The following CELF2 variants were observed in gnomAD, a reference collection of about 807,000 sequenced individuals.
The protein encoded by CELF2 is CUG triplet repeat RNA-binding protein 2.
Under a neutral mutation model 62.6 loss-of-function variants are expected in CELF2, and 8 were observed. The observed-to-expected ratio is 0.13, with a 90% CI of 0.07 to 0.23. The LOEUF (loss-of-function observed/expected upper bound fraction) is 0.23, where lower values mean the gene tolerates loss of function less well. CELF2 is among the 10% of genes least tolerant of loss of function. The pLI, the probability that CELF2 is intolerant of heterozygous loss-of-function variation, is 1.00. For synonymous variants in CELF2, 258 were observed against 250.0 expected, an observed-to-expected ratio of 1.03 and a Z score of -0.30; for missense variants, 333 against 671.0, an observed-to-expected ratio of 0.50 and a Z score of 5.56.
At chr10:10,912,529 C>G (rs945043095) in intron 1 of CELF2, among the ~76,000 whole-genome samples, 2 of 152,080 alleles carry the variant, frequency 1.3e-5, no homozygotes, top group South Asian at 4.2e-4. Context: ...ACCACCATGT[C>G]CAGCTAATTT....
the CELF2 span, among the ~76,000 whole-genome samples, chr10:10,651,309 T>A: frequency 6.8e-6 from 1 of 147,848 alleles, no homozygotes; most frequent in Non-Finnish European, 1.5e-5. Context: ...TGCCCGCCAT[T>A]GCCCAGGCTT....
At chr10:10,616,719 TGA>T in the CELF2 span, among the ~76,000 whole-genome samples, 3,685 of 54,988 alleles carry the variant, frequency 0.067, 86 homozygotes, top group South Asian at 0.13. Flanking sequence ...TGTGTGTGTG[TGA>T]GAGAGAGAGA....
chr10:10,986,722 C>A (rs1592750816), intron 2 of CELF2, among the ~76,000 whole-genome samples: 1 of 152,154 alleles, frequency 6.6e-6, no homozygotes, highest in Non-Finnish European at 1.5e-5. Flanking sequence ...ACAACTGTAA[C>A]GGGCATTTCC....
intron 2 of CELF2, among the ~76,000 whole-genome samples, chr10:11,186,748 A>G (rs1234985889): frequency 6.6e-6 from 1 of 152,216 alleles, no homozygotes; most frequent in Non-Finnish European, 1.5e-5. Flanking sequence ...GGGATGCTCA[A>G]CCAGTAAGTA....
intron 1 of CELF2, among the ~76,000 whole-genome samples, chr10:10,866,920 C>CA (rs56098222): frequency 0.22 from 21,034 of 97,530 alleles, 2,025 homozygotes; most frequent in Non-Finnish European, 0.27. Context: ...AACTCCTTCT[C>CA]AAAAAAAAAA....
At chr10:11,202,833 G>A (rs1288301986) in intron 2 of CELF2, among the ~76,000 whole-genome samples, 2 of 149,880 alleles carry the variant, frequency 1.3e-5, no homozygotes, top group South Asian at 2.1e-4. Context: ...AAACCATCTC[G>A]TTGCCTAGAG....
At chr10:11,128,499 C>T (rs2059095256) in intron 1 of CELF2, among the ~76,000 whole-genome samples, 1 of 152,172 alleles carries the variant, frequency 6.6e-6, no homozygotes, top group South Asian at 2.1e-4. Flanking sequence ...TTGATTCTTC[C>T]TATCCATGAG....
chr10:11,255,701 T>C lies in CELF2; in HGVS notation c.404-2037T>C, dbSNP rs112554161. Among the ~76,000 whole-genome samples the C allele has an allele frequency of 5.8e-3, 887 of 152,188 alleles. 21 individuals carry two copies. The East Asian group carries it at 0.07, about 12-fold the overall frequency. On this transcript the variant is annotated intron_variant, in intron 4 of 12. Transcript: ENST00000633077. The surrounding 1 kb of genome is among the most constrained non-coding windows in gnomAD (Gnocchi z 5.5). ...TGACCCCCCACTCACCGTCCCTGCC[T>C]CAAGAGCCCCAGTCACCCCGAGTAT... is the stretch of plus-strand genomic sequence containing the variant.
chr10:11,330,603 CT>C lies in CELF2; in HGVS notation c.*1553del, dbSNP rs1200789487. On this transcript the variant is annotated 3_prime_UTR_variant, in exon 13 of 13. Coordinates refer to ENST00000633077, the MANE Select transcript of CELF2 (RefSeq NM_001326342.2). The surrounding 1 kb of genome is among the most constrained non-coding windows in gnomAD (Gnocchi z 4.5). ...CTACTGACCTTTGATCTAGTTTGACCTTTGAAATTTGCATGTGACCTCATCT... is the reference window on the plus strand; with the variant it reads ...CTACTGACCTTTGATCTAGTTTGACCTTGAAATTTGCATGTGACCTCATCT... The C allele has an allele frequency of 2.0e-5, 3 of 152,518 alleles. No individual in the cohort carries two copies. Among genetic ancestry groups the C allele is most frequent in the Non-Finnish European group, 2.9e-5 (2 of 68,032 alleles). The allele number at this position is 152,518 out of a possible 1,614,324, so 9.4% of individuals were successfully genotyped here. A position where few individuals can be genotyped will look rare whatever the true frequency, so the allele number is the denominator to read the frequency against.
Position 11,269,648 on chromosome 10 carries a change from A to G in CELF2, c.619-1018A>G, listed in dbSNP as rs7911526. 0.35 allele frequency among the ~76,000 whole-genome samples: 52,790 copies of G among 151,764 alleles called. 10,641 individuals carry two copies. Among genetic ancestry groups the G allele is most frequent in the Admixed American group, 0.47 (7,097 of 15,210 alleles). On this transcript the variant is annotated intron_variant, in intron 6 of 12. Coordinates refer to ENST00000633077, the MANE Select transcript of CELF2 (RefSeq NM_001326342.2). The surrounding 1 kb of genome is among the most constrained non-coding windows in gnomAD (Gnocchi z 4.4). ...GATGAAACGTGTAGGCAAGCCACACAAAGGAGGAGAAGAGGCTGGGGAAGG... is the reference window on the plus strand; with the variant it reads ...GATGAAACGTGTAGGCAAGCCACACGAAGGAGGAGAAGAGGCTGGGGAAGG...
chr10:11,291,162 A>G (rs992748012), intron 9 of CELF2, among the ~76,000 whole-genome samples: 2 of 152,216 alleles, frequency 1.3e-5, no homozygotes, highest in African/African-American at 4.8e-5. Flanking sequence ...GCCTCATCCC[A>G]TCTCTCCTCC....
intron 1 of CELF2, among the ~76,000 whole-genome samples, chr10:11,128,613 T>C (rs1054497474): frequency 1.3e-5 from 2 of 152,164 alleles, no homozygotes; most frequent in Non-Finnish European, 2.9e-5. Context: ...ATTTGGATTC[T>C]TAGGTATTTT....
chr10:10,499,439 C>T, the CELF2 span, among the ~76,000 whole-genome samples: 16 of 152,222 alleles, frequency 1.1e-4, no homozygotes, highest in African/African-American at 3.4e-4. Context: ...GCTAAACTTA[C>T]TAGTAATTCA....
intron 8 of CELF2, among the ~76,000 whole-genome samples, chr10:11,277,380 C>A (rs982723077): frequency 1.3e-5 from 2 of 152,194 alleles, no homozygotes; most frequent in African/African-American, 4.8e-5. Context: ...AGGGGCGCCT[C>A]TCTCCCGAAT....
chr10:10,801,798 G>A (rs1345543715), intron 1 of CELF2, among the ~76,000 whole-genome samples: 1 of 152,168 alleles, frequency 6.6e-6, no homozygotes, highest in Non-Finnish European at 1.5e-5. Context: ...TCATCAAAAG[G>A]CACAATTTTA....
intron 2 of CELF2, among the ~76,000 whole-genome samples, chr10:11,173,285 G>C (rs932943404): frequency 1.3e-5 from 2 of 152,190 alleles, no homozygotes; most frequent in African/African-American, 4.8e-5. Context: ...GACGCTGTTA[G>C]TTACTCTGAA....
the CELF2 span, among the ~76,000 whole-genome samples, chr10:10,709,424 T>C: frequency 7.4e-3 from 1,124 of 152,290 alleles, 18 homozygotes; most frequent in African/African-American, 0.025. Flanking sequence ...ATCTCCCTCC[T>C]TCCTCCCCAC....
chr10:10,537,863 C>T, the CELF2 span, among the ~76,000 whole-genome samples: 2 of 152,164 alleles, frequency 1.3e-5, no homozygotes, highest in African/African-American at 4.8e-5. Flanking sequence ...AAAGACAGAC[C>T]TGACAGAACC....
intron 1 of CELF2, among the ~76,000 whole-genome samples, chr10:11,085,318 C>G (rs2046403135): frequency 6.6e-6 from 1 of 152,158 alleles, no homozygotes; most frequent in African/African-American, 2.4e-5. Context: ...GTCTAGAAGC[C>G]AGACCTTTTA....
Sources: allele counts gnomAD v4.1 joint callset (sites outside exome capture counted in the v4.1 genomes callset), GRCh38; gene constraint gnomAD v4.1.1; non-coding constraint Gnocchi (gnomAD v3.1); transcripts MANE v1.5; gene names NCBI Gene and HGNC (gene_info 2026-07-23, HGNC 2026-07-21).